Variants in COG3 observed in about 807,000 individuals in gnomAD.
The protein encoded by COG3 is conserved oligomeric Golgi complex subunit 3.
A neutral mutation model predicts 114.1 loss-of-function variants in COG3; 32 were observed. The observed-to-expected ratio is 0.28, with a 90% CI of 0.21 to 0.38. COG3 has a LOEUF of 0.38. Among genes scored for constraint, COG3 ranks in the 10% least tolerant of loss-of-function variants. COG3 has a pLI of 1.00. For missense variants in COG3, 813 were observed against 973.2 expected (o/e 0.84, Z 2.19); for synonymous variants, 352 against 365.7 (o/e 0.96, Z 0.43).
intron 9 of COG3, 142 bp downstream of exon 9, chr13:45,491,100 G>C: frequency 1.6e-6 from 1 of 630,796 alleles, no homozygotes; most frequent in Non-Finnish European, 2.7e-6. Flanking sequence ...GGGGAGCAAG[G>C]TCACAGACTT....
chr13:45,481,175 A>T (rs1459757166), intron 4 of COG3, 55 bp from the exon 5 acceptor site: 1 of 915,712 alleles, frequency 1.1e-6, no homozygotes, highest in Non-Finnish European at 1.8e-6. Context: ...TGAGACTGGC[A>T]TGTTGATTCT....
At chr13:45,471,481 A>G (rs1037995839) in intron 1 of COG3, among the ~76,000 whole-genome samples, 2 of 152,186 alleles carry the variant, frequency 1.3e-5, no homozygotes, top group Non-Finnish European at 2.9e-5. Context: ...ATATTGTTTC[A>G]GGCATTTTAC....
chr13:45,493,123 T>A (rs1052218442), intron 11 of COG3, among the ~76,000 whole-genome samples: 1 of 152,210 alleles, frequency 6.6e-6, no homozygotes, highest in African/African-American at 2.4e-5. Flanking sequence ...GCAGCTACTT[T>A]GAATTGACTG....
chr13:45,495,066 G>A (rs1868594421), intron 12 of COG3, among the ~76,000 whole-genome samples: 1 of 150,150 alleles, frequency 6.7e-6, no homozygotes, highest in Non-Finnish European at 1.5e-5. Flanking sequence ...GGATGGTCTC[G>A]ATCTCTTGAC....
rs528692223 is a variant in COG3, at chr13:45,465,143, C to A, written c.107C>A (p.Thr36Asn). 2.5e-6 allele frequency: 4 copies of A among 1,613,668 alleles called. No homozygotes were observed. The highest frequency in any genetic ancestry group is 3.4e-6 in the Non-Finnish European group (4 of 1,179,912). ...DRRPDTTAPL[T>N]DRQTDSVLEL... ...AGACCGGACACGACGGCGCCGCTGACCGACAGGCAGACGGACTCGGTATTG... is the reference window on the plus strand; with the variant it reads ...AGACCGGACACGACGGCGCCGCTGAACGACAGGCAGACGGACTCGGTATTG... Residue 36 changes from threonine to asparagine, a missense_variant, in exon 1 of 23, where the codon ACC (threonine) becomes AAC (asparagine). By Grantham distance (65) the Thr-to-Asn change is moderately conservative. Transcript: ENST00000349995.
At chr13:45,533,199 G>C (rs908604630) in intron 22 of COG3, among the ~76,000 whole-genome samples, 3 of 151,816 alleles carry the variant, frequency 2.0e-5, no homozygotes, top group African/African-American at 7.3e-5. Flanking sequence ...ATCCAAGAGA[G>C]ACCATTCAAC....
Position 45,479,070 on chromosome 13 carries a change from T to G in COG3, c.383+4T>G. 1 of 1,590,848 alleles carries G rather than the reference T, an allele frequency of 6.3e-7. No individual in the cohort carries two copies. The highest frequency in any genetic ancestry group is 8.6e-7 in the Non-Finnish European group (1 of 1,165,366). ...AAGATGAAGGAACTAAATATAGGTA[T>G]GTGTGTCTCTTGCATTTGTTGAATA... On this transcript the variant is annotated splice_donor_region_variant and intron_variant, in intron 3 of 22. Transcript: ENST00000349995.
intron 14 of COG3, among the ~76,000 whole-genome samples, chr13:45,509,404 T>G (rs570169201): frequency 6.6e-6 from 1 of 152,334 alleles, no homozygotes; most frequent in East Asian, 1.9e-4. Context: ...TCCATAAAGA[T>G]TATTGATCAC....
chr13:45,484,278 A>G (rs1210148447), intron 7 of COG3, among the ~76,000 whole-genome samples: 2 of 152,164 alleles, frequency 1.3e-5, no homozygotes, highest in Admixed American at 6.5e-5. Context: ...TAGGAAACTA[A>G]TAGCTCATAA....
chr13:45,516,287 C>G, intron 17 of COG3, 24 bp downstream of exon 17: 4 of 1,553,958 alleles, frequency 2.6e-6, no homozygotes, highest in Non-Finnish European at 3.5e-6. Flanking sequence ...CTGGCTGGCA[C>G]ACTTGGGTGT....
At chr13:45,465,322 C>A (rs1294190434) in intron 1 of COG3, 112 bp downstream of exon 1, 17 of 1,433,026 alleles carry the variant, frequency 1.2e-5, no homozygotes, top group Non-Finnish European at 1.5e-5. Context: ...CTCCACTCCT[C>A]CCTGGCCATG....
At chr13:45,487,191 C>T (rs1187006616) in intron 8 of COG3, among the ~76,000 whole-genome samples, 3 of 152,130 alleles carry the variant, frequency 2.0e-5, no homozygotes, top group Admixed American at 6.5e-5. Flanking sequence ...ACTAGATATT[C>T]ATATGCAGAA....
intron 1 of COG3, among the ~76,000 whole-genome samples, chr13:45,466,025 A>G (rs910330059): frequency 2.0e-5 from 3 of 152,126 alleles, no homozygotes; most frequent in African/African-American, 7.2e-5. Flanking sequence ...TTATATAAGC[A>G]GTGGTGATGG....
chr13:45,488,840 T>C (rs1289622517), intron 8 of COG3, among the ~76,000 whole-genome samples: 1 of 151,948 alleles, frequency 6.6e-6, no homozygotes, highest in Non-Finnish European at 1.5e-5. Flanking sequence ...CTAGAAATAA[T>C]AATCTACTTT....
intron 20 of COG3, among the ~76,000 whole-genome samples, chr13:45,526,678 G>T (rs1025072231): frequency 6.6e-6 from 1 of 152,200 alleles, no homozygotes; most frequent in Non-Finnish European, 1.5e-5. Flanking sequence ...AACGTTCGTT[G>T]TGAAATACGT....
At chr13:45,483,125 G>C in intron 6 of COG3, 105 bp from the exon 7 acceptor site, 1 of 709,938 alleles carries the variant, frequency 1.4e-6, no homozygotes, top group Non-Finnish European at 2.2e-6. Flanking sequence ...ACCTGTTTTT[G>C]AACTTTATAT....
rs893565795 is a variant in COG3 at position 45,535,111 on chromosome 13, A to G, written c.*380A>G. 17 of 1,017,914 alleles carry G rather than the reference A, an allele frequency of 1.7e-5. No homozygotes were observed. In the East Asian group the frequency reaches 1.4e-3, roughly 82 times the overall value. The allele number at this position is 1,017,914 out of a possible 1,614,324, so 63.1% of individuals were successfully genotyped here. ...AAATCAAGCGAATTAGAAGGCCTGT[A>G]AGAGTAAGGTTTGCTAAAACGTGAA... On this transcript the variant is annotated 3_prime_UTR_variant, in exon 23 of 23. Transcript: ENST00000349995.
At chr13:45,483,563 T>C (rs1886386583) in intron 7 of COG3, among the ~76,000 whole-genome samples, 1 of 152,204 alleles carries the variant, frequency 6.6e-6, no homozygotes, top group Non-Finnish European at 1.5e-5. Context: ...TCAAATAATG[T>C]TTAATAGTGT....
chr13:45,513,272 T>TAC (rs33952477), intron 16 of COG3, among the ~76,000 whole-genome samples: 390 of 4,104 alleles, frequency 0.095, 53 homozygotes, highest in African/African-American at 0.2. Context: ...ATATAAATTA[T>TAC]ATATAATATA....
Sources: gnomAD v4.1 joint callset for allele counts (sites outside exome capture counted in the v4.1 genomes callset) on GRCh38, gnomAD v4.1.1 for gene constraint, MANE v1.5 for transcripts, NCBI Gene and HGNC (gene_info 2026-07-23, HGNC 2026-07-21) for gene names.